COG7: variants seen among roughly 807,000 people sequenced by gnomAD.
COG7 encodes the protein conserved oligomeric Golgi complex subunit 7.
Under a neutral mutation model 91.5 loss-of-function variants are expected in COG7, and 49 were observed. The observed-to-expected ratio is 0.54, with a 90% CI of 0.43 to 0.68. The LOEUF (loss-of-function observed/expected upper bound fraction) is 0.68, where lower values mean the gene tolerates loss of function less well. COG7 is among the 30% of genes least tolerant of loss of function. COG7 has a pLI of 0.00. For synonymous variants in COG7, 365 were observed against 388.7 expected, an observed-to-expected ratio of 0.94 and a Z score of 0.72; for missense variants, 895 against 961.3, an observed-to-expected ratio of 0.93 and a Z score of 0.91.
chr16:23,391,452 C>A (rs1209808650), intron 16 of COG7, among the ~76,000 whole-genome samples: 1 of 152,182 alleles, frequency 6.6e-6, no homozygotes, highest in Non-Finnish European at 1.5e-5. Context: ...ATGAAATGAG[C>A]AGGGGTCAGG....
chr16:23,433,806 C>CAAAA, intron 5 of COG7, 139 bp from the exon 6 acceptor site: 1 of 783,606 alleles, frequency 1.3e-6, no homozygotes, highest in African/African-American at 2.0e-5. Context: ...CCATTCACTT[C>CAAAA]AAAGAAAGGC....
At position 23,398,046 on chromosome 16, in the gene COG7, G is replaced by T; in HGVS notation, c.1887C>A (p.Asn629Lys). 6.2e-7 allele frequency: 1 copy of T among 1,613,492 alleles called. No homozygotes were observed. The highest frequency in any genetic ancestry group is 2.2e-5 in the East Asian group (1 of 44,872). The change falls in exon 14 of 17, where the codon AAC becomes AAA. Residue 629 changes from asparagine to lysine, a missense_variant and splice_region_variant. Physicochemically the swap from Asn to Lys is moderately conservative, Grantham distance 94. Coordinates refer to ENST00000307149, the MANE Select transcript of COG7 (RefSeq NM_153603.4). ...TGGAGAAGCACACAGAAGCTCTTAC[G>T]TTGCTGATGTACTCGAGAGGGGTGA... is the stretch of plus-strand genomic sequence containing the variant. The part of the protein sequence containing the change: ...FSLTPLEYIS[N>K]IGQYIMSLPL...
chr16:23,410,297 G>C lies in COG7; in HGVS notation c.1473C>G (p.Asn491Lys). ...GGACAATGACTCCTCTCTCCTACCT[G>C]TTGGCTAGCTGCTGCTCGAAGTCCC... ...HCGDFEQQLANRILSTAGKYL... is the reference protein window; with the variant it reads ...HCGDFEQQLAKRILSTAGKYL... The change falls in exon 11 of 17, where the codon AAC becomes AAG. Residue 491 changes from asparagine (N) to lysine (K), a missense_variant and splice_region_variant. Asn to Lys is a moderately conservative substitution (Grantham distance 94, BLOSUM62 0). Coordinates refer to ENST00000307149, the MANE Select transcript of COG7 (RefSeq NM_153603.4). The C allele has an allele frequency of 1.2e-6, 2 of 1,613,764 alleles. No individual in the cohort carries two copies. The highest frequency in any genetic ancestry group is 1.7e-6 in the Non-Finnish European group (2 of 1,179,776).
intron 4 of COG7, among the ~76,000 whole-genome samples, chr16:23,437,128 C>T (rs754271469): frequency 6.6e-5 from 10 of 152,134 alleles, no homozygotes; most frequent in Admixed American, 1.3e-4. Context: ...GCGCCATTTT[C>T]GCCTTCTGAA....
At chr16:23,408,654 C>T (rs1183020148) in intron 11 of COG7, among the ~76,000 whole-genome samples, 3 of 152,002 alleles carry the variant, frequency 2.0e-5, no homozygotes, top group African/African-American at 7.3e-5. Flanking sequence ...CTGTTCCTAA[C>T]TCACTCCTGA....
chr16:23,451,697 C>T (rs1275944995), intron 1 of COG7, among the ~76,000 whole-genome samples: 3 of 133,202 alleles, frequency 2.3e-5, no homozygotes, highest in African/African-American at 8.7e-5. Context: ...CCAGCTTGGG[C>T]AGCAGAATGA....
At chr16:23,423,106 C>T (rs1342096029) in intron 7 of COG7, among the ~76,000 whole-genome samples, 1 of 150,906 alleles carries the variant, frequency 6.6e-6, no homozygotes, top group Non-Finnish European at 1.5e-5. Flanking sequence ...CTCACACCTG[C>T]TGTAATCCCA....
chr16:23,427,455 C>A (rs1338778629), intron 6 of COG7, among the ~76,000 whole-genome samples: 1 of 149,618 alleles, frequency 6.7e-6, no homozygotes, highest in African/African-American at 2.5e-5. Context: ...GCCTGGGCAA[C>A]AGAGAGAAAC....
At chr16:23,447,069 C>G (rs1372668290) in intron 1 of COG7, 1 of 151,960 alleles carries the variant, frequency 6.6e-6, no homozygotes, top group Non-Finnish European at 1.5e-5. Flanking sequence ...CTTAAATATA[C>G]CCATTACTCA....
At chr16:23,444,960 C>T in intron 3 of COG7, 88 bp downstream of exon 3, 1 of 955,214 alleles carries the variant, frequency 1.0e-6, no homozygotes, top group Non-Finnish European at 1.7e-6. Flanking sequence ...CTGCTATTGG[C>T]TATCAACTTT....
chr16:23,422,262 G>T (rs1186952903), intron 7 of COG7, among the ~76,000 whole-genome samples: 1 of 151,922 alleles, frequency 6.6e-6, no homozygotes, highest in Non-Finnish European at 1.5e-5. Context: ...ACAGTAAGCT[G>T]TGATAGTGTC....
At chr16:23,416,218 T>C (rs1963651172) in intron 9 of COG7, 1 of 152,216 alleles carries the variant, frequency 6.6e-6, no homozygotes, top group African/African-American at 2.4e-5. Flanking sequence ...TTAGTAGAGA[T>C]GAGCTTCGCC....
At chr16:23,409,461 G>C (rs1963528200) in intron 11 of COG7, among the ~76,000 whole-genome samples, 2 of 152,240 alleles carry the variant, frequency 1.3e-5, no homozygotes, top group South Asian at 4.1e-4. Flanking sequence ...TTTTGGAACA[G>C]TGGTGCTTTC....
intron 7 of COG7, among the ~76,000 whole-genome samples, chr16:23,424,099 G>A (rs1352123919): frequency 2.6e-5 from 4 of 152,094 alleles, no homozygotes; most frequent in Non-Finnish European, 5.9e-5. Context: ...TCAGGAGTTC[G>A]AGACCAGCCT....
At position 23,442,520 on chromosome 16, in the gene COG7, T is replaced by C; in HGVS notation, c.561A>G (p.Leu187=). 6.2e-7 allele frequency: 1 copy of C among 1,614,136 alleles called. No individual in the cohort carries two copies. Among genetic ancestry groups the C allele is most frequent in the Non-Finnish European group, 8.5e-7 (1 of 1,180,028 alleles). The change falls in exon 4 of 17, where the codon CTA becomes CTG. Residue 187 remains leucine (L), a synonymous_variant. Coordinates refer to ENST00000307149, the MANE Select transcript of COG7 (RefSeq NM_153603.4). ...ATGCCGCTACAATCTGTGGACTGGC[T>C]AGGGCCTCCAGCCTGTTCTTCAGTG... ...LEALKNRLEA[L]ASPQIVAAFT...
chr16:23,395,205 C>A (rs1460102490), intron 14 of COG7, among the ~76,000 whole-genome samples: 3 of 152,128 alleles, frequency 2.0e-5, no homozygotes, highest in Admixed American at 6.5e-5. Context: ...AGCAAGTGGC[C>A]ACTTACCTCA....
intron 10 of COG7, among the ~76,000 whole-genome samples, chr16:23,411,885 T>C (rs1963568858): frequency 6.6e-6 from 1 of 150,528 alleles, no homozygotes. Flanking sequence ...CAGATTGCTT[T>C]TTTTTTTTTT....
At chr16:23,391,926 G>A (rs729080) in intron 16 of COG7, 37,700 of 966,000 alleles carry the variant, frequency 0.039, 1,679 homozygotes, top group African/African-American at 0.2. Flanking sequence ...CTGGGCCTCC[G>A]TTCCCTATCG....
chr16:23,419,411 C>CAAAAA (rs762261311), intron 7 of COG7, among the ~76,000 whole-genome samples: 1 of 113,862 alleles, frequency 8.8e-6, no homozygotes, highest in Non-Finnish European at 1.9e-5. Flanking sequence ...GACTCCATCT[C>CAAAAA]AAAAAAAAAA....
Sources: allele counts gnomAD v4.1 joint callset (sites outside exome capture counted in the v4.1 genomes callset), GRCh38; gene constraint gnomAD v4.1.1; transcripts MANE v1.5; gene names NCBI Gene and HGNC (gene_info 2026-07-23, HGNC 2026-07-21).